The following HCK variants were observed in gnomAD, a reference collection of about 807,000 sequenced individuals.
The protein encoded by HCK is tyrosine-protein kinase HCK.
HCK carries 40 observed loss-of-function variants against 70.4 expected under a neutral mutation model. That is an observed-to-expected ratio of 0.57 (90% confidence interval 0.44 to 0.74). The LOEUF (loss-of-function observed/expected upper bound fraction) is 0.74, where lower values mean the gene tolerates loss of function less well. Among genes scored for constraint, HCK ranks in the 30% least tolerant of loss-of-function variants. HCK has a pLI of 0.00. For synonymous variants in HCK, 245 were observed against 263.2 expected, an observed-to-expected ratio of 0.93 and a Z score of 0.67; for missense variants, 568 against 697.2, an observed-to-expected ratio of 0.81 and a Z score of 2.09.
intron 6 of HCK, among the ~76,000 whole-genome samples, chr20:32,080,247 G>A (rs927205568): frequency 6.6e-6 from 1 of 152,168 alleles, no homozygotes; most frequent in Non-Finnish European, 1.5e-5. Flanking sequence ...TCGCCAGGCT[G>A]GAGTGCAGTG....
At chr20:32,093,803 G>T (rs2045896726) in intron 10 of HCK, 60 bp from the exon 11 acceptor site, 5 of 1,513,132 alleles carry the variant, frequency 3.3e-6, no homozygotes, top group Non-Finnish European at 4.5e-6. Context: ...CTGCTTTTGG[G>T]TGGGGCCATC....
At chr20:32,081,700 G>A (rs1355917800) in intron 6 of HCK, among the ~76,000 whole-genome samples, 1 of 152,112 alleles carries the variant, frequency 6.6e-6, no homozygotes, top group Non-Finnish European at 1.5e-5. Context: ...CCCACCCAAC[G>A]AGCCCCATTC....
rs1358704790 is a variant in HCK, at chr20:32,101,469, C to T, written c.1531C>T (p.Leu511=). 6.2e-7 allele frequency: 1 copy of T among 1,613,958 alleles called. No homozygotes were observed. The highest frequency in any genetic ancestry group is 8.5e-7 in the Non-Finnish European group (1 of 1,179,932). Residue 511 remains leucine, a synonymous_variant, in exon 13 of 13, where the codon CTG becomes TTG. Coordinates refer to ENST00000375852, the MANE Select transcript of HCK (RefSeq NM_002110.5). ...GACCTTCGAATACATCCAGAGTGTG[C>T]TGGATGACTTCTACACGGCCACAGA...
intron 3 of HCK, 97 bp from the exon 4 acceptor site, chr20:32,073,619 G>A (rs537874864): frequency 4.8e-5 from 37 of 767,098 alleles, no homozygotes; most frequent in South Asian, 4.5e-4. Flanking sequence ...ACCACATATC[G>A]ATGGGTGCGG....
In HCK at chr20:32,052,350, A is replaced by G; in HGVS notation, c.-75A>G. On this transcript the variant is annotated 5_prime_UTR_variant, in exon 1 of 13. Coordinates refer to ENST00000375852, the MANE Select transcript of HCK (RefSeq NM_002110.5). ...CGCCCGCGGCACCAAAGCCCCTCAG[A>G]GCGTCGCCCCCGCCTCTAGTTCTAG... The G allele has an allele frequency of 1.8e-6, 2 of 1,092,456 alleles. No homozygotes were observed. The highest frequency in any genetic ancestry group is 2.2e-4 in the Middle Eastern group (1 of 4,484). 67.7% of individuals were successfully genotyped at this position (1,092,456 alleles called of 1,614,324 possible).
At chr20:32,100,597 A>G (rs1244450123) in intron 12 of HCK, among the ~76,000 whole-genome samples, 3 of 152,358 alleles carry the variant, frequency 2.0e-5, no homozygotes, top group Middle Eastern at 3.4e-3. Flanking sequence ...AGAGACATCC[A>G]AGTAAAGGAA....
At chr20:32,061,059 C>T (rs900601300) in intron 1 of HCK, among the ~76,000 whole-genome samples, 5 of 152,132 alleles carry the variant, frequency 3.3e-5, no homozygotes, top group Non-Finnish European at 7.4e-5. Flanking sequence ...TCTTGGCTCA[C>T]TGCAACCTCC....
intron 10 of HCK, 133 bp from the exon 11 acceptor site, chr20:32,093,730 C>T: frequency 7.4e-6 from 6 of 807,096 alleles, no homozygotes; most frequent in South Asian, 5.7e-5. Context: ...CTGGGGCCCT[C>T]CCGACACAAA....
chr20:32,072,824 C>T (rs958278613), intron 2 of HCK, among the ~76,000 whole-genome samples: 2 of 152,074 alleles, frequency 1.3e-5, no homozygotes, highest in African/African-American at 2.4e-5. Context: ...GAGGTCACAG[C>T]TCAAGAAACC....
At chr20:32,061,117 A>G (rs191364844) in intron 1 of HCK, among the ~76,000 whole-genome samples, 170 of 152,182 alleles carry the variant, frequency 1.1e-3, no homozygotes, top group East Asian at 3.9e-3. Context: ...CTGAGTAGCT[A>G]GGATTACAAG....
chr20:32,094,749 GAA>G (rs1491338636), intron 11 of HCK, among the ~76,000 whole-genome samples: 2 of 128,016 alleles, frequency 1.6e-5, no homozygotes, highest in African/African-American at 5.8e-5. Flanking sequence ...AAGAAAGAAA[GAA>G]AGAAAGAAAG....
Position 32,086,739 on chromosome 20 carries a change from A to G in HCK, c.947A>G (p.Lys316Arg), listed in dbSNP as rs1324120274. ...GTGATGAAAACTCTGCAGCATGACA[A>G]GCTGGTCAAACTTCATGCGGTGGTC... is the stretch of plus-strand genomic sequence containing the variant. Residue 316 changes from lysine to arginine, a missense_variant, in exon 9 of 13, where the codon AAG (lysine) becomes AGG (arginine). This residue lies in a region of HCK where 160 missense variants were observed against 237.5 expected (regional missense o/e 0.67). Transcript: ENST00000375852. The G allele has an allele frequency of 6.2e-6, 10 of 1,609,816 alleles. No homozygotes were observed. The highest frequency in any genetic ancestry group is 8.5e-6 in the Non-Finnish European group (10 of 1,177,936).
chr20:32,093,037 T>C (rs2045884959), intron 10 of HCK, among the ~76,000 whole-genome samples: 1 of 152,120 alleles, frequency 6.6e-6, no homozygotes, highest in African/African-American at 2.4e-5. Context: ...CTCTGCCTCC[T>C]GGGTCCAAGC....
intron 10 of HCK, among the ~76,000 whole-genome samples, chr20:32,089,864 G>C (rs1006955700): frequency 6.6e-6 from 1 of 152,274 alleles, no homozygotes; most frequent in African/African-American, 2.4e-5. Flanking sequence ...TAGATGAAGA[G>C]AAAAGGTAAA....
intron 10 of HCK, among the ~76,000 whole-genome samples, chr20:32,091,044 G>A (rs2045857413): frequency 6.6e-6 from 1 of 152,202 alleles, no homozygotes; most frequent in Admixed American, 6.5e-5. Flanking sequence ...GAGAAGAAAA[G>A]TGAGGTACAG....
intron 10 of HCK, among the ~76,000 whole-genome samples, chr20:32,091,300 G>A (rs189122473): frequency 3.9e-5 from 6 of 152,342 alleles, no homozygotes; most frequent in Admixed American, 3.9e-4. Context: ...CCAAGTAACA[G>A]GTAAGTGCGT....
At chr20:32,059,419 C>CTCTCTT (rs140863550) in intron 1 of HCK, among the ~76,000 whole-genome samples, 2 of 145,180 alleles carry the variant, frequency 1.4e-5, no homozygotes, top group African/African-American at 2.6e-5. Flanking sequence ...TTCTCTCTCT[C>CTCTCTT]TCTTTCTTTC....
At chr20:32,059,297 C>CCTTCCT (rs1406061338) in intron 1 of HCK, among the ~76,000 whole-genome samples, 131 of 26,148 alleles carry the variant, frequency 5.0e-3, no homozygotes, top group African/African-American at 0.011. Context: ...CCTTCCTTCC[C>CCTTCCT]TCCCTCCCTC....
intron 11 of HCK, among the ~76,000 whole-genome samples, chr20:32,094,823 A>AAAG (rs2045930345): frequency 6.7e-6 from 1 of 148,862 alleles, no homozygotes; most frequent in Non-Finnish European, 1.5e-5. Flanking sequence ...GAAAGAAAGA[A>AAAG]AGAAAGAAAG....
Sources: allele counts gnomAD v4.1 joint callset (sites outside exome capture counted in the v4.1 genomes callset), GRCh38; gene constraint gnomAD v4.1.1; regional missense constraint gnomAD v4.1.1; transcripts MANE v1.5; gene names NCBI Gene and HGNC (gene_info 2026-07-23, HGNC 2026-07-21).